The following FBF1 variants were observed in gnomAD, a reference collection of about 807,000 sequenced individuals.
FBF1 encodes fas-binding factor 1.
A neutral mutation model predicts 147.2 loss-of-function variants in FBF1; 119 were observed. The ratio of observed to expected loss-of-function variants is 0.81; its 90% CI spans 0.70 to 0.94. The LOEUF (loss-of-function observed/expected upper bound fraction) is 0.94. FBF1 is among the 40% of genes least tolerant of loss of function. The pLI is 0.00. For missense variants in FBF1, 1,449 were observed against 1,500.8 expected, an observed-to-expected ratio of 0.97 and a Z score of 0.57; for synonymous variants, 601 against 609.0, an observed-to-expected ratio of 0.99 and a Z score of 0.19.
Position 75,921,947 on chromosome 17 carries a change from C to T in FBF1, c.1524G>A (p.Ser508=), listed in dbSNP as rs192701306. ...CTCAGCCCGCAGCCCAGGCCTACCCCGAGACACCAGGCCTGACACACGGTC... is the reference window on the plus strand; with the variant it reads ...CTCAGCCCGCAGCCCAGGCCTACCCTGAGACACCAGGCCTGACACACGGTC... ...RERPCVRPGV[S]GSPVTQNHAA... is the part of the protein sequence containing the mutation. Residue 508 remains serine (S), a splice_region_variant and synonymous_variant, in exon 15 of 30, where the codon TCG becomes TCA. Transcript: ENST00000636174. 122 of 1,550,488 alleles carry T rather than the reference C, an allele frequency of 7.9e-5. No homozygotes were observed. The highest frequency in any genetic ancestry group is 4.1e-4 in the African/African-American group (30 of 73,154).
chr17:75,910,419 A>G lies in FBF1; in HGVS notation c.*304T>C. On this transcript the variant is annotated 3_prime_UTR_variant, in exon 30 of 30. Transcript: ENST00000636174. The surrounding 1 kb of genome is among the most constrained non-coding windows in gnomAD (Gnocchi z 4.1). ...CCCACAGAGCCCAGGGGGAGCCCAC[A>G]GAGCCCAGTGAGAGCTGGGGGTCCT... The G allele has an allele frequency of 2.5e-6, 1 of 401,162 alleles. No individual in the cohort carries two copies. Among genetic ancestry groups the G allele is most frequent in the East Asian group, 5.0e-5 (1 of 19,968 alleles). 24.9% of individuals were successfully genotyped at this position (401,162 alleles called of 1,614,324 possible).
intron 4 of FBF1, 81 bp downstream of exon 4, chr17:75,935,551 G>T: frequency 7.1e-7 from 1 of 1,405,780 alleles, no homozygotes; most frequent in South Asian, 1.3e-5. Flanking sequence ...CAGAAGCTTG[G>T]GACCAGCCTG....
At chr17:75,929,945 A>AGGGCCCCCCCCCCCCCCC in intron 7 of FBF1, 52 bp downstream of exon 7, 3 of 650,856 alleles carry the variant, frequency 4.6e-6, no homozygotes, top group East Asian at 2.8e-5. Context: ...AAATATCATG[A>AGGGCCCCCCCCCCCCCCC]CCCCACCCCA....
chr17:75,909,901 G>A lies in FBF1; in HGVS notation c.*822C>T, dbSNP rs1187276332. 2 of 701,346 alleles carry A rather than the reference G, an allele frequency of 2.9e-6. No homozygotes were observed. The highest frequency in any genetic ancestry group is 2.7e-5 in the East Asian group (1 of 37,252). The allele number at this position is 701,346 out of a possible 1,614,324, so 43.4% of individuals were successfully genotyped here. ...TCAAGTTGAAGCAGCGGGAGTGGAG[G>A]AGGATCAGAGAAACCTCTGTAGTTG... On this transcript the variant is annotated 3_prime_UTR_variant, in exon 30 of 30. Transcript: ENST00000636174.
rs568706218 is a variant in FBF1, at chr17:75,931,733, A to G, written c.168-444T>C. On this transcript the variant is annotated intron_variant, in intron 5 of 29. Transcript: ENST00000636174. ...GGGAGGTGGAGGCTGCAATGAGCTG[A>G]CATTGCGCCACTGCACTCCAGCCTG... Among the ~76,000 whole-genome samples the G allele has an allele frequency of 7.9e-5, 12 of 152,142 alleles. No individual in the cohort carries two copies. In the East Asian group the frequency reaches 1.9e-3, roughly 25 times the overall value.
rs1331249224 is a variant in FBF1 at position 75,923,718 on chromosome 17, G to A, written c.969-77C>T. The A allele has an allele frequency of 5.9e-6, 8 of 1,365,922 alleles. No homozygotes were observed. The highest frequency in any genetic ancestry group is 2.4e-5 in the Admixed American group (1 of 41,824). 84.6% of individuals were successfully genotyped at this position (1,365,922 alleles called of 1,614,324 possible). On this transcript the variant is annotated intron_variant, in intron 13 of 29. Transcript: ENST00000636174. The surrounding 1 kb of genome is among the most constrained non-coding windows in gnomAD (Gnocchi z 4.1). The stretch of plus-strand genomic sequence containing the variant: ...GCCCCCTAGCAGCCTGCAGCTGGGC[G>A]TCACGATGCCCAGGGACCCTGCACA...
Position 75,919,519 on chromosome 17 carries a change from G to A in FBF1, c.2138+149C>T. ...TGGGTGTGATGGGTCAGTGTGCTCA[G>A]CCCTCAGTCCTCACTCACTGGACTG... On this transcript the variant is annotated intron_variant, in intron 20 of 29. Coordinates refer to ENST00000636174, the MANE Select transcript of FBF1 (RefSeq NM_001319193.2). This position sits in a 1 kb window ranked among gnomAD's most constrained non-coding sequence, Gnocchi z 5.0. 2.3e-6 allele frequency: 2 copies of A among 879,896 alleles called. No individual in the cohort carries two copies. Among genetic ancestry groups the A allele is most frequent in the South Asian group, 3.4e-5 (2 of 58,948 alleles). The allele number at this position is 879,896 out of a possible 1,614,324, so 54.5% of individuals were successfully genotyped here.
At position 75,910,514 on chromosome 17, in the gene FBF1, T is replaced by G; in HGVS notation, c.*209A>C. On this transcript the variant is annotated 3_prime_UTR_variant, in exon 30 of 30. Transcript: ENST00000636174. This position sits in a 1 kb window ranked among gnomAD's most constrained non-coding sequence, Gnocchi z 4.1. ...CAGGGCAGCCAAAGCCATGGTAAGA[T>G]AGCCTACACCACAGAGCCCCAGAGG... 1 of 554,554 alleles carries G rather than the reference T, an allele frequency of 1.8e-6. No individual in the cohort carries two copies. The highest frequency in any genetic ancestry group is 2.2e-5 in the South Asian group (1 of 46,110). 34.4% of individuals were successfully genotyped at this position (554,554 alleles called of 1,614,324 possible).
intron 1 of FBF1, among the ~76,000 whole-genome samples, chr17:75,939,314 A>AC (rs1417059060): frequency 3.5e-5 from 5 of 143,010 alleles, no homozygotes; most frequent in African/African-American, 8.2e-5. Context: ...AAAAAAAAAA[A>AC]AAACGTGCTC....
chr17:75,918,203 G>A lies in FBF1; in HGVS notation c.2205C>T (p.Asp735=), dbSNP rs778959354. ...EQLQRLKLLK[D]REVDAATSAT... Reference sequence around the variant, plus strand: ...CACTGGTGGCCGCATCGACCTCTCGGTCCTTCAGCAGCTTTAGCCGCTGCA... The same window carrying A: ...CACTGGTGGCCGCATCGACCTCTCGATCCTTCAGCAGCTTTAGCCGCTGCA... Residue 735 remains aspartate, a synonymous_variant, in exon 21 of 30, where the codon GAC becomes GAT. Transcript: ENST00000636174. This position sits in a 1 kb window ranked among gnomAD's most constrained non-coding sequence, Gnocchi z 5.8. 5.0e-6 allele frequency: 8 copies of A among 1,613,428 alleles called. No homozygotes were observed. The South Asian group carries it at 8.8e-5, about 18-fold the overall frequency.
chr17:75,909,606 G>A lies in FBF1; in HGVS notation c.*1117C>T. 2 of 508,174 alleles carry A rather than the reference G, an allele frequency of 3.9e-6. No homozygotes were observed. The highest frequency in any genetic ancestry group is 7.0e-6 in the Non-Finnish European group (2 of 286,328). 31.5% of individuals were successfully genotyped at this position (508,174 alleles called of 1,614,324 possible). On this transcript the variant is annotated 3_prime_UTR_variant, in exon 30 of 30. Coordinates refer to ENST00000636174, the MANE Select transcript of FBF1 (RefSeq NM_001319193.2). ...TCAGGCAGGTTATTTAATCTCCCCG[G>A]GCCTCAGTTTCTGCATGTTTGAAGC...
intron 4 of FBF1, 38 bp downstream of exon 4, chr17:75,935,594 C>A: frequency 1.3e-6 from 2 of 1,527,828 alleles, no homozygotes; most frequent in Non-Finnish European, 1.7e-6. Context: ...GCAACAGCAG[C>A]AGCCCAAATT....
At chr17:75,917,024 ATTTC>A (rs961919472) in intron 23 of FBF1, among the ~76,000 whole-genome samples, 1 of 151,560 alleles carries the variant, frequency 6.6e-6, no homozygotes. Flanking sequence ...CTAGTTTCTT[ATTTC>A]TTTATTTTTA....
Position 75,928,377 on chromosome 17 carries a change from G to A in FBF1, c.280-184C>T, listed in dbSNP as rs527745455. 6.6e-6 allele frequency among the ~76,000 whole-genome samples: 1 copy of A among 152,158 alleles called. No homozygotes were observed. Among genetic ancestry groups the A allele is most frequent in the Admixed American group, 6.6e-5 (1 of 15,266 alleles). On this transcript the variant is annotated intron_variant, in intron 7 of 29. Coordinates refer to ENST00000636174, the MANE Select transcript of FBF1 (RefSeq NM_001319193.2). This position sits in a 1 kb window ranked among gnomAD's most constrained non-coding sequence, Gnocchi z 4.2. ...ATGGAACTAAAGGTAAGCAGGGGGA[G>A]GTGGAATGGAGTCCAGCTCATGGTT... is the stretch of plus-strand genomic sequence containing the variant.
chr17:75,926,325 C>T lies in FBF1; in HGVS notation c.697G>A (p.Asp233Asn). ...DDIMATLGFG[D>N]SPKAEKRQIG... ...TGCCTCTTCTCTGCTTTGGGGCTGT[C>T]TCCAAACCCCAAGGTGGCCATGATG... Residue 233 changes from aspartate (D) to asparagine (N), a missense_variant, in exon 11 of 30, where the codon GAC becomes AAC. By Grantham distance (23) the Asp-to-Asn change is conservative. Transcript: ENST00000636174. The T allele has an allele frequency of 6.2e-7, 1 of 1,613,374 alleles. No individual in the cohort carries two copies. Among genetic ancestry groups the T allele is most frequent in the Non-Finnish European group, 8.5e-7 (1 of 1,179,686 alleles).
chr17:75,913,982 C>T lies in FBF1; in HGVS notation c.3060G>A (p.Gln1020=). ...LREAQQVQAE[Q]QARLQAVQQQ... is the part of the protein sequence containing the mutation. ...GCTGCACCGCCTGCAACCGGGCCTG[C>T]TGCTCTGCCTGCACCTGCTGGGCCT... Residue 1020 remains glutamine (Q), a synonymous_variant, in exon 27 of 30, where the codon CAG becomes CAA. Coordinates refer to ENST00000636174, the MANE Select transcript of FBF1 (RefSeq NM_001319193.2). 6.4e-7 allele frequency: 1 copy of T among 1,565,858 alleles called. No homozygotes were observed.
chr17:75,913,144 C>CTT (rs869041751), intron 28 of FBF1, among the ~76,000 whole-genome samples: 38 of 124,034 alleles, frequency 3.1e-4, no homozygotes, highest in African/African-American at 6.5e-4. Flanking sequence ...TTGAGGGTGA[C>CTT]TTTTTTTTTT....
chr17:75,918,073 G>C lies in FBF1; in HGVS notation c.2247-3C>G, dbSNP rs770069099. ...GGTGGATGATGCTATTCAGGGACCT[G>C]GAAGAAGACTGGGTCACCCCCTCCT... On this transcript the variant is annotated splice_polypyrimidine_tract_variant and splice_region_variant and intron_variant, in intron 21 of 29. Coordinates refer to ENST00000636174, the MANE Select transcript of FBF1 (RefSeq NM_001319193.2). This position sits in a 1 kb window ranked among gnomAD's most constrained non-coding sequence, Gnocchi z 5.8. The C allele has an allele frequency of 5.6e-6, 9 of 1,607,576 alleles. No homozygotes were observed. The highest frequency in any genetic ancestry group is 7.7e-6 in the Non-Finnish European group (9 of 1,176,162).
chr17:75,917,064 C>G lies in FBF1; in HGVS notation c.2505+668G>C, dbSNP rs971563919. Among the ~76,000 whole-genome samples, 8 of 152,142 alleles carry G rather than the reference C, an allele frequency of 5.3e-5. 1 individual carries two copies. Among genetic ancestry groups the G allele is most frequent in the Admixed American group, 1.3e-4 (2 of 15,266 alleles). ...GTTTCACCATGTTGGCCAGGCTGGT[C>G]TCGAACTCCTGACCTCAAGTGATCC... On this transcript the variant is annotated intron_variant, in intron 23 of 29. Coordinates refer to ENST00000636174, the MANE Select transcript of FBF1 (RefSeq NM_001319193.2).
Sources: allele counts gnomAD v4.1 joint callset (sites outside exome capture counted in the v4.1 genomes callset), GRCh38; gene constraint gnomAD v4.1.1; non-coding constraint Gnocchi (gnomAD v3.1); transcripts MANE v1.5; gene names NCBI Gene and HGNC (gene_info 2026-07-23, HGNC 2026-07-21).